The following HDLBP variants were observed in gnomAD, a reference collection of about 807,000 sequenced individuals.
The protein encoded by HDLBP is high density lipoprotein binding protein.
Under a neutral mutation model 137.3 loss-of-function variants are expected in HDLBP, and 30 were observed. That is an observed-to-expected ratio of 0.22 (90% CI 0.16 to 0.30). HDLBP has a LOEUF of 0.30. Ranked by LOEUF, HDLBP falls within the 10% of genes least tolerant of loss-of-function variation. The pLI, the probability that HDLBP is intolerant of heterozygous loss-of-function variation, is 1.00. For synonymous variants in HDLBP, 606 were observed against 596.0 expected, an observed-to-expected ratio of 1.02 and a Z score of -0.24; for missense variants, 1,119 against 1,667.3, an observed-to-expected ratio of 0.67 and a Z score of 5.73.
rs774377591 is a variant in HDLBP, at chr2:241,238,719, A to G, written c.2679T>C (p.Gly893=). 142 of 1,592,014 alleles carry G rather than the reference A, an allele frequency of 8.9e-5. No individual in the cohort carries two copies. The highest frequency in any genetic ancestry group is 3.9e-4 in the Admixed American group (23 of 59,010). ...CCCGAGTAATCTGCTGGATTCTGGA[A>G]CCTTTGGGGCCCATGACAGATCGAT... is the stretch of plus-strand genomic sequence containing the variant. The part of the protein sequence containing the change: ...KFHRSVMGPK[G]SRIQQITRDF... Residue 893 remains glycine (G), a synonymous_variant, in exon 20 of 28, where the codon GGT becomes GGC. Transcript: ENST00000310931. This position sits in a 1 kb window ranked among gnomAD's most constrained non-coding sequence, Gnocchi z 4.9.
chr2:241,289,290 G>A (rs2074932517), intron 1 of HDLBP, among the ~76,000 whole-genome samples: 1 of 152,150 alleles, frequency 6.6e-6, no homozygotes, highest in Non-Finnish European at 1.5e-5. Context: ...TTTGTCTCAT[G>A]AGAAGGTGGG....
chr2:241,254,972 G>C (rs2072496207), intron 9 of HDLBP, 79 bp downstream of exon 9: 2 of 1,134,106 alleles, frequency 1.8e-6, no homozygotes, highest in Admixed American at 1.7e-5. Flanking sequence ...ACAGTACAAA[G>C]GTCAACAAAG....
chr2:241,254,486 A>T (rs1049958757), intron 9 of HDLBP, among the ~76,000 whole-genome samples: 19 of 139,570 alleles, frequency 1.4e-4, no homozygotes, highest in Admixed American at 7.9e-4. Context: ...TCTTCAAAGT[A>T]TTTTTTTTTT....
chr2:241,277,613 TAGAA>T (rs1359061376), intron 1 of HDLBP, among the ~76,000 whole-genome samples: 5 of 152,220 alleles, frequency 3.3e-5, no homozygotes, highest in Non-Finnish European at 7.3e-5. Context: ...CAAACTGAGT[TAGAA>T]ATATAGTTTC....
Position 241,255,136 on chromosome 2 carries a change from G to A in HDLBP, c.1103C>T (p.Ser368Phe). ...GTGAAGCCAGGAAGGGGCGGCGACA[G>A]AGGAGACGGTGAAGCTATTGGCCTA... ...YAKANSFTVSSVAAPSWLHRF... is the reference protein window; with the variant it reads ...YAKANSFTVSFVAAPSWLHRF... Residue 368 changes from serine (S) to phenylalanine (F), a missense_variant, in exon 9 of 28, where the codon TCT becomes TTT. Physicochemically the swap from Ser to Phe is radical, Grantham distance 155. Transcript: ENST00000310931. 1 of 1,614,164 alleles carries A rather than the reference G, an allele frequency of 6.2e-7. No homozygotes were observed. Among genetic ancestry groups the A allele is most frequent in the Non-Finnish European group, 8.5e-7 (1 of 1,179,992 alleles).
chr2:241,302,021 G>A (rs1226106031), intron 1 of HDLBP, among the ~76,000 whole-genome samples: 1 of 151,268 alleles, frequency 6.6e-6, no homozygotes, highest in Non-Finnish European at 1.5e-5. Flanking sequence ...GCTTGAGGTC[G>A]GAAGTTCAAG....
chr2:241,288,982 T>C (rs1231052644), intron 1 of HDLBP, among the ~76,000 whole-genome samples: 4 of 152,202 alleles, frequency 2.6e-5, no homozygotes, highest in African/African-American at 7.2e-5. Flanking sequence ...ACAATTTACA[T>C]AGGAAAGTTC....
In HDLBP at chr2:241,249,916, A is replaced by G; in HGVS notation, c.1437T>C (p.Asn479=). The G allele has an allele frequency of 6.2e-7, 1 of 1,614,150 alleles. No individual in the cohort carries two copies. The highest frequency in any genetic ancestry group is 8.5e-7 in the Non-Finnish European group (1 of 1,179,994). Residue 479 remains asparagine (N), a synonymous_variant, in exon 12 of 28, where the codon AAT becomes AAC. Transcript: ENST00000310931. ...GTGGGTCCCCCTCGATGCGGATCAA[A>G]TTGCTCTTCTCACTGTCAGGAGGGA... is the stretch of plus-strand genomic sequence containing the variant. ...VRIPPDSEKS[N]LIRIEGDPQG... is the part of the protein sequence containing the mutation.
chr2:241,296,403 A>C (rs538921223), intron 1 of HDLBP, among the ~76,000 whole-genome samples: 1 of 152,316 alleles, frequency 6.6e-6, no homozygotes, highest in South Asian at 2.1e-4. Flanking sequence ...GAAGCCCTGA[A>C]GATTAAGGAG....
At chr2:241,268,591 G>A (rs892037877) in intron 1 of HDLBP, 50 bp from the exon 2 acceptor site, 3 of 683,350 alleles carry the variant, frequency 4.4e-6, no homozygotes, top group African/African-American at 3.9e-5. Flanking sequence ...CCAGAGAAAA[G>A]TTACTTATCT....
intron 1 of HDLBP, among the ~76,000 whole-genome samples, chr2:241,285,536 C>T (rs758050355): frequency 6.6e-6 from 1 of 152,162 alleles, no homozygotes; most frequent in South Asian, 2.1e-4. Flanking sequence ...TTCTAGTGTG[C>T]CCTGAACACC....
intron 21 of HDLBP, 28 bp from the exon 22 acceptor site, chr2:241,235,622 C>A (rs370844842): frequency 1.1e-4 from 172 of 1,528,002 alleles, no homozygotes; most frequent in Middle Eastern, 1.7e-4. Context: ...ATGGTTAGGC[C>A]GTGGGAGCTG....
Position 241,272,061 on chromosome 2 carries a change from C to A in HDLBP, c.-102-3520G>T, listed in dbSNP as rs2074087351. The stretch of plus-strand genomic sequence containing the variant: ...CCCCTCGGCCTCCCCGCCTTTCATC[C>A]AAATTCGGTACTTTTCCGTAATGTA... On this transcript the variant is annotated intron_variant, in intron 1 of 27. Coordinates refer to ENST00000310931, the MANE Select transcript of HDLBP (RefSeq NM_005336.6). The surrounding 1 kb of genome is among the most constrained non-coding windows in gnomAD (Gnocchi z 5.6). The A allele has an allele frequency of 4.4e-6, 2 of 451,150 alleles. 1 individual carries two copies. Among genetic ancestry groups the A allele is most frequent in the African/African-American group, 4.2e-5 (2 of 47,330 alleles). 27.9% of individuals were successfully genotyped at this position (451,150 alleles called of 1,614,324 possible).
chr2:241,231,494 C>T (rs994044166), intron 24 of HDLBP, among the ~76,000 whole-genome samples: 3 of 151,920 alleles, frequency 2.0e-5, no homozygotes, highest in Admixed American at 1.3e-4. Flanking sequence ...CGAAAAAGGA[C>T]ATTTGTCCTC....
chr2:241,238,625 G>T lies in HDLBP; in HGVS notation c.2749+24C>A. Reference sequence around the variant, plus strand: ...TGGGAGGCGCCACTATTAACAAGCAGAGCAGGGCTAATGGGGGACCCACCT... The same window carrying T: ...TGGGAGGCGCCACTATTAACAAGCATAGCAGGGCTAATGGGGGACCCACCT... On this transcript the variant is annotated intron_variant, in intron 20 of 27. Coordinates refer to ENST00000310931, the MANE Select transcript of HDLBP (RefSeq NM_005336.6). This position sits in a 1 kb window ranked among gnomAD's most constrained non-coding sequence, Gnocchi z 4.9. The T allele has an allele frequency of 6.6e-7, 1 of 1,524,688 alleles. No individual in the cohort carries two copies. Among genetic ancestry groups the T allele is most frequent in the South Asian group, 1.3e-5 (1 of 79,360 alleles). The allele number at this position is 1,524,688 out of a possible 1,614,324, so 94.4% of individuals were successfully genotyped here. A position where few individuals can be genotyped will look rare whatever the true frequency, so the allele number is the denominator to read the frequency against.
At chr2:241,253,317 C>T (rs766060708) in intron 10 of HDLBP, 76 bp downstream of exon 10, 9 of 988,304 alleles carry the variant, frequency 9.1e-6, no homozygotes, top group African/African-American at 3.2e-5. Context: ...GGGATGTCAT[C>T]GAGAGATGAC....
intron 1 of HDLBP, among the ~76,000 whole-genome samples, chr2:241,288,544 C>A (rs898455293): frequency 2.6e-5 from 4 of 152,178 alleles, no homozygotes; most frequent in African/African-American, 9.7e-5. Flanking sequence ...ACTGGGTGAT[C>A]ATTTAACTTA....
chr2:241,297,471 G>A (rs1162853971), intron 1 of HDLBP, among the ~76,000 whole-genome samples: 1 of 152,176 alleles, frequency 6.6e-6, no homozygotes, highest in Non-Finnish European at 1.5e-5. Flanking sequence ...AATACATGGA[G>A]ATATTAAAAA....
chr2:241,305,168 G>A (rs61689231), intron 1 of HDLBP, among the ~76,000 whole-genome samples: 24,215 of 152,194 alleles, frequency 0.16, 2,447 homozygotes, highest in East Asian at 0.41. Context: ...GTCTCTCCCA[G>A]GCTAGAGTGC....
Sources: gnomAD v4.1 joint callset for allele counts (sites outside exome capture counted in the v4.1 genomes callset) on GRCh38, gnomAD v4.1.1 for gene constraint, Gnocchi (gnomAD v3.1) non-coding constraint, MANE v1.5 for transcripts, NCBI Gene and HGNC (gene_info 2026-07-23, HGNC 2026-07-21) for gene names.